The following DPYD variants were observed in gnomAD, a reference collection of about 807,000 sequenced individuals.
DPYD encodes the protein dihydropyrimidine dehydrogenase [NADP(+)].
A neutral mutation model predicts 116.2 loss-of-function variants in DPYD; 109 were observed. The observed-to-expected ratio is 0.94, with a 90% CI of 0.80 to 1.10. The LOEUF is 1.10. DPYD is among the 50% of genes least tolerant of loss of function. The pLI is 0.00. For synonymous variants in DPYD, 440 were observed against 432.0 expected, an observed-to-expected ratio of 1.02 and a Z score of -0.23; for missense variants, 1,302 against 1,254.5, an observed-to-expected ratio of 1.04 and a Z score of -0.57.
chr1:97,824,195 T>C lies in DPYD; in HGVS notation c.233+3919A>G, dbSNP rs190036442. On this transcript the variant is annotated intron_variant, in intron 3 of 22. Coordinates refer to ENST00000370192, the MANE Select transcript of DPYD (RefSeq NM_000110.4). ...AATTATGTCTTTATAAAATAAGAGCTACCTTGTCTCCTCTATATCAAATTA... is the reference window on the plus strand; with the variant it reads ...AATTATGTCTTTATAAAATAAGAGCCACCTTGTCTCCTCTATATCAAATTA... Among the ~76,000 whole-genome samples the C allele has an allele frequency of 3.9e-3, 596 of 152,320 alleles. 7 individuals carry two copies. Among genetic ancestry groups the C allele is most frequent in the South Asian group, 2.5e-3 (12 of 4,830 alleles).
At chr1:97,772,887 A>T (rs1439299903) in intron 3 of DPYD, among the ~76,000 whole-genome samples, 2 of 152,314 alleles carry the variant, frequency 1.3e-5, no homozygotes, top group Admixed American at 6.5e-5. Flanking sequence ...GAGAGGCCAG[A>T]TTTCTGAAGA....
intron 13 of DPYD, among the ~76,000 whole-genome samples, chr1:97,502,559 T>C (rs2101934875): frequency 6.6e-6 from 1 of 152,044 alleles, no homozygotes; most frequent in South Asian, 2.1e-4. Context: ...ACAGCCACGA[T>C]CTGATTTAAG....
At chr1:97,731,310 C>A (rs1663595416) in intron 4 of DPYD, among the ~76,000 whole-genome samples, 2 of 151,894 alleles carry the variant, frequency 1.3e-5, no homozygotes, top group South Asian at 4.1e-4. Flanking sequence ...TTCAAAAAAG[C>A]CTCCATTCTA....
At chr1:97,167,172 T>C (rs1288879091) in intron 20 of DPYD, among the ~76,000 whole-genome samples, 1 of 152,152 alleles carries the variant, frequency 6.6e-6, no homozygotes, top group Non-Finnish European at 1.5e-5. Flanking sequence ...CCATTAAAAG[T>C]GTACATTTTT....
At chr1:97,186,378 C>T (rs1037897563) in intron 20 of DPYD, among the ~76,000 whole-genome samples, 2 of 152,110 alleles carry the variant, frequency 1.3e-5, no homozygotes. Flanking sequence ...TTCCTCATCC[C>T]ATATCCTGCT....
intron 12 of DPYD, chr1:97,546,397 G>C (rs187509690): frequency 6.7e-7 from 1 of 1,493,626 alleles, no homozygotes; most frequent in African/African-American, 1.4e-5. Flanking sequence ...TTCAGATAAG[G>C]GCAGTGATTC....
rs576505912 is a variant in DPYD at position 97,705,081 on chromosome 1, C to T, written c.484-5534G>A. Among the ~76,000 whole-genome samples, 8 of 151,972 alleles carry T rather than the reference C, an allele frequency of 5.3e-5. No individual in the cohort carries two copies. The East Asian group carries it at 7.8e-4, about 15-fold the overall frequency. On this transcript the variant is annotated intron_variant, in intron 5 of 22. Transcript: ENST00000370192. ...TAGGTAAGAAACCTGTGGTCAGGTT[C>T]ACATACAAAAGATTTTATCTTAAGG...
chr1:97,310,668 A>G (rs1255722963), intron 16 of DPYD, among the ~76,000 whole-genome samples: 1 of 151,756 alleles, frequency 6.6e-6, no homozygotes, highest in East Asian at 1.9e-4. Flanking sequence ...AGGTGGTCCA[A>G]CCACTTTGGA....
chr1:97,314,496 T>TCC (rs1667701571), intron 16 of DPYD, among the ~76,000 whole-genome samples: 1 of 149,990 alleles, frequency 6.7e-6, no homozygotes, highest in Non-Finnish European at 1.5e-5. Context: ...CTTTCTTTTT[T>TCC]TTTTTTTTTT....
At position 97,593,438 on chromosome 1, in the gene DPYD, A is replaced by C. The variant is rs115349832; in HGVS notation, c.959-51T>G. ...TTTCAAGTAGAGAAACCATTTCTGC[A>C]TGACAGCTCAAAAGATACTTGTACT... is the stretch of plus-strand genomic sequence containing the variant. On this transcript the variant is annotated intron_variant, in intron 9 of 22. Coordinates refer to ENST00000370192, the MANE Select transcript of DPYD (RefSeq NM_000110.4). 0.019 allele frequency: 30,207 copies of C among 1,603,514 alleles called. 359 individuals carry two copies. The highest frequency in any genetic ancestry group is 0.022 in the Non-Finnish European group (25,995 of 1,172,390).
At chr1:97,080,320 T>C (rs1371074948) in intron 22 of DPYD, among the ~76,000 whole-genome samples, 2 of 152,098 alleles carry the variant, frequency 1.3e-5, no homozygotes, top group African/African-American at 4.8e-5. Flanking sequence ...ATTTTGATTT[T>C]TTTCCTGTCT....
At chr1:97,419,779 G>C (rs1674484333) in intron 14 of DPYD, among the ~76,000 whole-genome samples, 1 of 152,136 alleles carries the variant, frequency 6.6e-6, no homozygotes, top group African/African-American at 2.4e-5. Flanking sequence ...TATCCACTGA[G>C]TGAAATTTTA....
At chr1:97,731,472 T>A (rs2101049096) in intron 4 of DPYD, among the ~76,000 whole-genome samples, 1 of 152,256 alleles carries the variant, frequency 6.6e-6, no homozygotes, top group Non-Finnish European at 1.5e-5. Flanking sequence ...TACTTTTTAC[T>A]CAACATTCAA....
chr1:97,575,592 C>CT (rs1207461999), intron 10 of DPYD, among the ~76,000 whole-genome samples: 1 of 152,146 alleles, frequency 6.6e-6, no homozygotes, highest in East Asian at 1.9e-4. Flanking sequence ...CAGTCTTTCC[C>CT]TTTTTATTAT....
intron 15 of DPYD, among the ~76,000 whole-genome samples, chr1:97,378,311 T>C (rs907070045): frequency 1.3e-5 from 2 of 152,236 alleles, no homozygotes; most frequent in Non-Finnish European, 2.9e-5. Flanking sequence ...AATGTGCCTC[T>C]GTTTGATTTT....
chr1:97,379,923 G>C (rs551030176), intron 15 of DPYD, among the ~76,000 whole-genome samples: 68 of 152,268 alleles, frequency 4.5e-4, no homozygotes, highest in Non-Finnish European at 3.5e-4. Context: ...TGAGCAATTG[G>C]CTCCATTTCC....
intron 3 of DPYD, among the ~76,000 whole-genome samples, chr1:97,802,649 T>C (rs1329671669): frequency 6.6e-6 from 1 of 151,928 alleles, no homozygotes; most frequent in Non-Finnish European, 1.5e-5. Context: ...TTTTGAGATC[T>C]TATCCTCCCT....
chr1:97,177,759 T>A (rs946282232), intron 20 of DPYD, among the ~76,000 whole-genome samples: 1 of 152,104 alleles, frequency 6.6e-6, no homozygotes, highest in Non-Finnish European at 1.5e-5. Context: ...CCTAACTTAT[T>A]TAAAGTCAGG....
chr1:97,551,697 T>A (rs975633126), intron 11 of DPYD, among the ~76,000 whole-genome samples: 1 of 152,146 alleles, frequency 6.6e-6, no homozygotes, highest in African/African-American at 2.4e-5. Context: ...GAATAATTCC[T>A]TAGTTATCTC....
Sources: gnomAD v4.1 joint callset for allele counts (sites outside exome capture counted in the v4.1 genomes callset) on GRCh38, gnomAD v4.1.1 for gene constraint, MANE v1.5 for transcripts, NCBI Gene and HGNC (gene_info 2026-07-23, HGNC 2026-07-21) for gene names.